LHX5: variants seen among roughly 807,000 people sequenced by gnomAD.
LHX5 encodes LIM homeobox 5, also known as LIM/homeobox protein Lhx5.
In LHX5, 5 loss-of-function variants were observed where a neutral mutation model predicts 30.6. The ratio of observed to expected loss-of-function variants is 0.16; its 90% CI spans 0.09 to 0.34. The LOEUF is 0.34. Among genes scored for constraint, LHX5 ranks in the 10% least tolerant of loss-of-function variants. The pLI is 1.00. For missense variants in LHX5, 458 were observed against 570.6 expected, an observed-to-expected ratio of 0.80 and a Z score of 2.01; for synonymous variants, 266 against 252.6, an observed-to-expected ratio of 1.05 and a Z score of -0.50.
At position 113,463,457 on chromosome 12, in the gene LHX5, C is replaced by A. The variant is rs760524343; in HGVS notation, c.942G>T (p.Ala314=). Residue 314 remains alanine (A), a synonymous_variant, in exon 5 of 5, where the codon GCG becomes GCT. Coordinates refer to ENST00000261731, the MANE Select transcript of LHX5 (RefSeq NM_022363.3). This position sits in a 1 kb window ranked among gnomAD's most constrained non-coding sequence, Gnocchi z 6.7. The part of the protein sequence containing the change: ...AQSPADSSFL[A]ASGPGSTPLG... ...GCGGCGTCGAGCCGGGGCCAGAGGC[C>A]GCCAGGAAGCTGGAGTCGGCCGGGG... 1.2e-4 allele frequency: 182 copies of A among 1,559,688 alleles called. No individual in the cohort carries two copies. The East Asian group carries it at 3.8e-3, about 33-fold the overall frequency.
In LHX5 at chr12:113,467,729, C is replaced by G. The variant is rs1958223814; in HGVS notation, c.676-308G>C. Among the ~76,000 whole-genome samples, 1 of 152,236 alleles carries G rather than the reference C, an allele frequency of 6.6e-6. No homozygotes were observed. The highest frequency in any genetic ancestry group is 1.5e-5 in the Non-Finnish European group (1 of 68,036). On this transcript the variant is annotated intron_variant, in intron 3 of 4. Transcript: ENST00000261731. The surrounding 1 kb of genome is among the most constrained non-coding windows in gnomAD (Gnocchi z 6.3). ...TCCCGGCACGGCTCTCGCCTCGGCC[C>G]CTCGGCTCCGGAGCCAGCCTCTGGC...
At chr12:113,469,605 G>A (rs1958235279) in intron 1 of LHX5, among the ~76,000 whole-genome samples, 1 of 152,236 alleles carries the variant, frequency 6.6e-6, no homozygotes. Context: ...AGTGGGTGCA[G>A]CCTTCAGCCA....
Position 113,469,227 on chromosome 12 carries a change from G to T in LHX5, c.292C>A (p.Gln98Lys), listed in dbSNP as rs973820889. 1.9e-6 allele frequency: 3 copies of T among 1,614,234 alleles called. No homozygotes were observed. The African/African-American group carries it at 4.0e-5, about 22-fold the overall frequency. The change falls in exon 2 of 5, where the codon CAG becomes AAG. Residue 98 changes from glutamine to lysine, a missense_variant. Coordinates refer to ENST00000261731, the MANE Select transcript of LHX5 (RefSeq NM_022363.3). The part of the protein sequence containing the change: ...NCFTCMVCNK[Q>K]LSTGEELYVI... ...TAGAGCTCCTCGCCGGTGGACAGCT[G>T]CTTGTTACACACCATGCAGGTGAAA...
At position 113,465,033 on chromosome 12, in the gene LHX5, C is replaced by T. The variant is rs1015005961; in HGVS notation, c.842-1476G>A. On this transcript the variant is annotated intron_variant, in intron 4 of 4. Transcript: ENST00000261731. This position sits in a 1 kb window ranked among gnomAD's most constrained non-coding sequence, Gnocchi z 6.7. ...GCGAGTCCAGAAGCCTGAGTCTCTT[C>T]TGCAAATCCACTCCCCCTGCTGAGT... Among the ~76,000 whole-genome samples, 2 of 152,144 alleles carry T rather than the reference C, an allele frequency of 1.3e-5. No homozygotes were observed. Among genetic ancestry groups the T allele is most frequent in the African/African-American group, 4.8e-5 (2 of 41,408 alleles).
At position 113,468,324 on chromosome 12, in the gene LHX5, T is replaced by G. The variant is rs778325620; in HGVS notation, c.478A>C (p.Thr160Pro). The G allele has an allele frequency of 6.2e-7, 1 of 1,614,104 alleles. No homozygotes were observed. The highest frequency in any genetic ancestry group is 8.5e-7 in the Non-Finnish European group (1 of 1,179,960). ...TTGGCCGTCTCCTTGTCCGACGAGG[T>G]CGAGTTGTCCGTCTCTTTGGGGTCG... is the stretch of plus-strand genomic sequence containing the variant. ...QDDPKETDNS[T>P]SSDKETANNE... Residue 160 changes from threonine (T) to proline (P), a missense_variant, in exon 3 of 5, where the codon ACC (threonine) becomes CCC (proline). This residue lies in a region of LHX5 where 178 missense variants were observed against 238.5 expected (regional missense o/e 0.75). Transcript: ENST00000261731.
At chr12:113,471,080 C>T (rs973422956) in intron 1 of LHX5, among the ~76,000 whole-genome samples, 8 of 152,246 alleles carry the variant, frequency 5.3e-5, no homozygotes, top group Non-Finnish European at 1.0e-4. Flanking sequence ...CCTCCCTCTG[C>T]CCCGCCAGCG....
In LHX5 at chr12:113,464,558, G is replaced by A. The variant is rs1469491467; in HGVS notation, c.842-1001C>T. Among the ~76,000 whole-genome samples, 1 of 152,204 alleles carries A rather than the reference G, an allele frequency of 6.6e-6. No individual in the cohort carries two copies. Among genetic ancestry groups the A allele is most frequent in the Non-Finnish European group, 1.5e-5 (1 of 68,032 alleles). On this transcript the variant is annotated intron_variant, in intron 4 of 4. Coordinates refer to ENST00000261731, the MANE Select transcript of LHX5 (RefSeq NM_022363.3). This position sits in a 1 kb window ranked among gnomAD's most constrained non-coding sequence, Gnocchi z 6.2. ...CCGGCCTAGCCTAGCCTGAGAAAGA[G>A]AAAACTGAGCTCCAGCGACTTGGGA...
Position 113,463,634 on chromosome 12 carries a change from G to A in LHX5, c.842-77C>T. 2 of 1,416,812 alleles carry A rather than the reference G, an allele frequency of 1.4e-6. No individual in the cohort carries two copies. The highest frequency in any genetic ancestry group is 1.4e-5 in the South Asian group (1 of 69,584). The allele number at this position is 1,416,812 out of a possible 1,614,324, so 87.8% of individuals were successfully genotyped here. On this transcript the variant is annotated intron_variant, in intron 4 of 4. Transcript: ENST00000261731. The surrounding 1 kb of genome is among the most constrained non-coding windows in gnomAD (Gnocchi z 6.7). ...AGGCGGGGGACCCGGGACCCGGGGA[G>A]GGGACCCGGGCGGGCGAGAGAGGGG... is the stretch of plus-strand genomic sequence containing the variant.
chr12:113,463,584 A>C lies in LHX5; in HGVS notation c.842-27T>G. The C allele has an allele frequency of 1.3e-6, 2 of 1,492,684 alleles. No individual in the cohort carries two copies. The highest frequency in any genetic ancestry group is 1.8e-6 in the Non-Finnish European group (2 of 1,127,056). The allele number at this position is 1,492,684 out of a possible 1,614,324, so 92.5% of individuals were successfully genotyped here. A position where few individuals can be genotyped will look rare whatever the true frequency, so the allele number is the denominator to read the frequency against. ...TGCGGAGGGGGAGCGGGAAGGAGAC[A>C]GGGCGCGGTGAGAGAAGGCGAAGTA... On this transcript the variant is annotated intron_variant, in intron 4 of 4. Coordinates refer to ENST00000261731, the MANE Select transcript of LHX5 (RefSeq NM_022363.3). The surrounding 1 kb of genome is among the most constrained non-coding windows in gnomAD (Gnocchi z 6.7).
In LHX5 at chr12:113,464,488, TCGCCAAGTACGGC is replaced by T. The variant is rs1266510013; in HGVS notation, c.842-944_842-932del. Among the ~76,000 whole-genome samples, 7 of 152,198 alleles carry T rather than the reference TCGCCAAGTACGGC, an allele frequency of 4.6e-5. No homozygotes were observed. The highest frequency in any genetic ancestry group is 7.3e-5 in the Non-Finnish European group (5 of 68,032). On this transcript the variant is annotated intron_variant, in intron 4 of 4. Coordinates refer to ENST00000261731, the MANE Select transcript of LHX5 (RefSeq NM_022363.3). The surrounding 1 kb of genome is among the most constrained non-coding windows in gnomAD (Gnocchi z 6.2). ...ACCAACCCAGTCCAAGTCCTTCGCCTCGCCAAGTACGGCCGCCGCGTCGATCCCGGTGAGACCA... is the reference window on the plus strand; with the variant it reads ...ACCAACCCAGTCCAAGTCCTTCGCCTCGCCGCGTCGATCCCGGTGAGACCA...
intron 2 of LHX5, 35 bp from the exon 3 acceptor site, chr12:113,468,439 G>T: frequency 6.4e-7 from 1 of 1,573,804 alleles, no homozygotes; most frequent in Non-Finnish European, 8.6e-7. Context: ...GGACAGCGGC[G>T]TCAGCGACGG....
chr12:113,469,157 C>A lies in LHX5; in HGVS notation c.362G>T (p.Ser121Ile). The A allele has an allele frequency of 6.2e-7, 1 of 1,614,102 alleles. No individual in the cohort carries two copies. The highest frequency in any genetic ancestry group is 1.1e-5 in the South Asian group (1 of 91,070). Residue 121 changes from serine (S) to isoleucine (I), a missense_variant, in exon 2 of 5, where the codon AGC becomes ATC. By Grantham distance (142) the Ser-to-Ile change is moderately radical (BLOSUM62 -2). This residue lies in a region of LHX5 where 178 missense variants were observed against 238.5 expected (regional missense o/e 0.75). Coordinates refer to ENST00000261731, the MANE Select transcript of LHX5 (RefSeq NM_022363.3). ...NKFVCKDDYL[S>I]SSSLKEGSLN... ...GCTGCCCTCCTTGAGGCTGGATGAGCTCAGGTAGTCGTCTTTGCACACGAA... is the reference window on the plus strand; with the variant it reads ...GCTGCCCTCCTTGAGGCTGGATGAGATCAGGTAGTCGTCTTTGCACACGAA...
chr12:113,467,425 G>A lies in LHX5; in HGVS notation c.676-4C>T. On this transcript the variant is annotated splice_polypyrimidine_tract_variant and splice_region_variant and intron_variant, in intron 3 of 4. Transcript: ENST00000261731. The surrounding 1 kb of genome is among the most constrained non-coding windows in gnomAD (Gnocchi z 6.3). The stretch of plus-strand genomic sequence containing the variant: ...ACCGTCGGTTCTGAAACCACACCTG[G>A]GACAGAGGAGGGGGCTGTGAACCCA... 2 of 1,535,208 alleles carry A rather than the reference G, an allele frequency of 1.3e-6. No homozygotes were observed. The highest frequency in any genetic ancestry group is 2.4e-5 in the East Asian group (1 of 42,094).
chr12:113,467,488 C>T lies in LHX5; in HGVS notation c.676-67G>A, dbSNP rs1470069500. 4.5e-6 allele frequency: 6 copies of T among 1,333,974 alleles called. No individual in the cohort carries two copies. The highest frequency in any genetic ancestry group is 4.9e-6 in the Non-Finnish European group (5 of 1,017,158). The allele number at this position is 1,333,974 out of a possible 1,614,324, so 82.6% of individuals were successfully genotyped here. A position where few individuals can be genotyped will look rare whatever the true frequency, so the allele number is the denominator to read the frequency against. On this transcript the variant is annotated intron_variant, in intron 3 of 4. Transcript: ENST00000261731. The surrounding 1 kb of genome is among the most constrained non-coding windows in gnomAD (Gnocchi z 6.3). The stretch of plus-strand genomic sequence containing the variant: ...TCCTCTCCCCCCCTCTTCTCCCTTC[C>T]CTGACTGGGCTGCCCCTGCTGGGTC...
Position 113,467,704 on chromosome 12 carries a change from T to A in LHX5, c.676-283A>T, listed in dbSNP as rs1395172362. On this transcript the variant is annotated intron_variant, in intron 3 of 4. Transcript: ENST00000261731. The surrounding 1 kb of genome is among the most constrained non-coding windows in gnomAD (Gnocchi z 6.3). ...CCTGACGGCTCTATAAAGGCCTCCCTCCCGGCACGGCTCTCGCCTCGGCCC... is the reference window on the plus strand; with the variant it reads ...CCTGACGGCTCTATAAAGGCCTCCCACCCGGCACGGCTCTCGCCTCGGCCC... 1.3e-5 allele frequency among the ~76,000 whole-genome samples: 2 copies of A among 152,128 alleles called. No homozygotes were observed. The highest frequency in any genetic ancestry group is 2.9e-5 in the Non-Finnish European group (2 of 68,012).
Position 113,462,874 on chromosome 12 carries a change from CG to C in LHX5, c.*315del. On this transcript the variant is annotated 3_prime_UTR_variant, in exon 5 of 5. Coordinates refer to ENST00000261731, the MANE Select transcript of LHX5 (RefSeq NM_022363.3). ...GTGGCTGGGTGGGTGGGTGGGGGCCCGGGGAAAGTCTAGAGCGTGCTCGAAA... is the reference window on the plus strand; with the variant it reads ...GTGGCTGGGTGGGTGGGTGGGGGCCCGGGAAAGTCTAGAGCGTGCTCGAAA... 4.4e-6 allele frequency: 1 copy of C among 227,362 alleles called. No homozygotes were observed. The highest frequency in any genetic ancestry group is 9.8e-5 in the South Asian group (1 of 10,166). The allele number at this position is 227,362 out of a possible 1,614,324, so 14.1% of individuals were successfully genotyped here. A position where few individuals can be genotyped will look rare whatever the true frequency, so the allele number is the denominator to read the frequency against.
chr12:113,468,009 T>C, intron 3 of LHX5, 118 bp downstream of exon 3: 1 of 1,371,672 alleles, frequency 7.3e-7, no homozygotes, highest in Admixed American at 2.9e-5. Context: ...GCGCACGGTC[T>C]GCTCCCAGAC....
chr12:113,468,196 C>A lies in LHX5; in HGVS notation c.606G>T (p.Thr202=), dbSNP rs886811420. The change falls in exon 3 of 5, where the codon ACG becomes ACT. Residue 202 remains threonine, a synonymous_variant. Coordinates refer to ENST00000261731, the MANE Select transcript of LHX5 (RefSeq NM_022363.3). ...LETLKAAFAA[T]PKPTRHIREQ... is the part of the protein sequence containing the mutation. ...CGCGGATGTGGCGCGTGGGCTTGGGCGTGGCGGCGAAGGCAGCCTTGAGCG... is the reference window on the plus strand; with the variant it reads ...CGCGGATGTGGCGCGTGGGCTTGGGAGTGGCGGCGAAGGCAGCCTTGAGCG... 56 of 1,612,902 alleles carry A rather than the reference C, an allele frequency of 3.5e-5. No individual in the cohort carries two copies. The East Asian group carries it at 1.2e-3, about 35-fold the overall frequency.
rs1296882132 is a variant in LHX5, at chr12:113,464,510, C to T, written c.842-953G>A. ...GCCTCGCCAAGTACGGCCGCCGCGT[C>T]GATCCCGGTGAGACCATTTGTACCG... On this transcript the variant is annotated intron_variant, in intron 4 of 4. Transcript: ENST00000261731. This position sits in a 1 kb window ranked among gnomAD's most constrained non-coding sequence, Gnocchi z 6.2. Among the ~76,000 whole-genome samples the T allele has an allele frequency of 2.0e-5, 3 of 152,176 alleles. No individual in the cohort carries two copies. The highest frequency in any genetic ancestry group is 7.2e-5 in the African/African-American group (3 of 41,446).
Sources: gnomAD v4.1 joint callset for allele counts (sites outside exome capture counted in the v4.1 genomes callset) on GRCh38, gnomAD v4.1.1 for gene constraint, gnomAD v4.1.1 regional missense constraint, Gnocchi (gnomAD v3.1) non-coding constraint, MANE v1.5 for transcripts, NCBI Gene and HGNC (gene_info 2026-07-23, HGNC 2026-07-21) for gene names.